Variants in LRRFIP2 observed in about 807,000 individuals in gnomAD.
LRRFIP2 encodes leucine-rich repeat flightless-interacting protein 2.
Under a neutral mutation model 125.9 loss-of-function variants are expected in LRRFIP2, and 109 were observed. That is an observed-to-expected ratio of 0.87 (90% confidence interval 0.74 to 1.01). LRRFIP2 has a LOEUF of 1.01. LRRFIP2 is among the 50% of genes least tolerant of loss of function. The pLI is 0.00. For synonymous variants in LRRFIP2, 291 were observed against 293.1 expected, an observed-to-expected ratio of 0.99 and a Z score of 0.07; for missense variants, 850 against 862.3, an observed-to-expected ratio of 0.99 and a Z score of 0.18.
At chr3:37,160,337 G>T (rs1362988441) in intron 1 of LRRFIP2, among the ~76,000 whole-genome samples, 1 of 152,116 alleles carries the variant, frequency 6.6e-6, no homozygotes, top group Non-Finnish European at 1.5e-5. Flanking sequence ...AAACCAAGAA[G>T]TCTGTGAAAA....
At chr3:37,160,456 A>C (rs1429296891) in intron 1 of LRRFIP2, among the ~76,000 whole-genome samples, 1 of 152,192 alleles carries the variant, frequency 6.6e-6, no homozygotes, top group Non-Finnish European at 1.5e-5. Context: ...AATTATAGCC[A>C]TGAAACAAGA....
intron 4 of LRRFIP2, among the ~76,000 whole-genome samples, chr3:37,126,138 C>T (rs1040915471): frequency 3.9e-5 from 6 of 152,152 alleles, no homozygotes; most frequent in Admixed American, 2.6e-4. Context: ...AAGCGATTCT[C>T]CTGCCTCAGC....
intron 1 of LRRFIP2, among the ~76,000 whole-genome samples, chr3:37,167,077 G>A (rs2096508232): frequency 6.6e-6 from 1 of 150,572 alleles, no homozygotes; most frequent in Non-Finnish European, 1.5e-5. Context: ...CATGCCTGTG[G>A]TCCCAGCTAC....
intron 1 of LRRFIP2, among the ~76,000 whole-genome samples, chr3:37,158,895 T>C (rs1053974766): frequency 6.6e-6 from 1 of 152,194 alleles, no homozygotes; most frequent in African/African-American, 2.4e-5. Context: ...ACTATTTATA[T>C]AGCACTGTCA....
intron 23 of LRRFIP2, chr3:37,064,668 C>T (rs1288842956): frequency 2.6e-5 from 4 of 151,936 alleles, no homozygotes; most frequent in African/African-American, 9.7e-5. Context: ...CACTCCTAGC[C>T]TGTGGAGGTT....
intron 1 of LRRFIP2, among the ~76,000 whole-genome samples, chr3:37,166,300 A>C (rs1022476351): frequency 6.6e-6 from 1 of 152,196 alleles, no homozygotes; most frequent in Non-Finnish European, 1.5e-5. Flanking sequence ...ACTGCACTCC[A>C]GCCTGGGCAG....
At chr3:37,152,751 T>TA (rs1430943429) in intron 1 of LRRFIP2, among the ~76,000 whole-genome samples, 5 of 152,052 alleles carry the variant, frequency 3.3e-5, no homozygotes, top group Admixed American at 1.3e-4. Context: ...ATGAAATTTT[T>TA]AAAAAAATGG....
rs767226905 is a variant in LRRFIP2, at chr3:37,066,362, C to T, written c.1465-37G>A. 14 of 1,507,226 alleles carry T rather than the reference C, an allele frequency of 9.3e-6. No individual in the cohort carries two copies. The Admixed American group carries it at 2.3e-4, about 25-fold the overall frequency. 93.4% of individuals were successfully genotyped at this position (1,507,226 alleles called of 1,614,324 possible). On this transcript the variant is annotated intron_variant, in intron 21 of 27. Transcript: ENST00000336686. ...TAAGGTAGCAAGGGAAACAATGGCA[C>T]AGAAAAAGAGCAGGTGAAAGGTAGC...
At position 37,148,989 on chromosome 3, in the gene LRRFIP2, G is replaced by C; in HGVS notation, c.-6C>G. On this transcript the variant is annotated 5_prime_UTR_variant, in exon 2 of 28. Coordinates refer to ENST00000336686, the MANE Select transcript of LRRFIP2 (RefSeq NM_006309.4). Reference sequence around the variant, plus strand: ...CCAGAAGCAGGAGTCCCCATCTTGTGTTCTTAATAGTCTTTTAACTTTGAA... The same window carrying C: ...CCAGAAGCAGGAGTCCCCATCTTGTCTTCTTAATAGTCTTTTAACTTTGAA... 1 of 1,613,570 alleles carries C rather than the reference G, an allele frequency of 6.2e-7. No individual in the cohort carries two copies. Among genetic ancestry groups the C allele is most frequent in the South Asian group, 1.1e-5 (1 of 91,004 alleles).
intron 1 of LRRFIP2, among the ~76,000 whole-genome samples, chr3:37,158,413 C>T (rs2096254352): frequency 6.6e-6 from 1 of 151,698 alleles, no homozygotes; most frequent in Non-Finnish European, 1.5e-5. Flanking sequence ...TTGAGACCAG[C>T]TTGGCCAACA....
chr3:37,165,381 C>T (rs1266326759), intron 1 of LRRFIP2, among the ~76,000 whole-genome samples: 2 of 146,894 alleles, frequency 1.4e-5, no homozygotes, highest in Non-Finnish European at 1.5e-5. Context: ...ACCCCACCCC[C>T]GTCCATGGAA....
At chr3:37,141,635 T>C (rs1411812468) in intron 2 of LRRFIP2, among the ~76,000 whole-genome samples, 2 of 152,210 alleles carry the variant, frequency 1.3e-5, no homozygotes, top group African/African-American at 4.8e-5. Flanking sequence ...CTTCCTCCAA[T>C]GTGTGTTAAT....
Position 37,094,814 on chromosome 3 carries a change from T to C in LRRFIP2, c.1013A>G (p.Asp338Gly), listed in dbSNP as rs753672978. The C allele has an allele frequency of 6.8e-6, 11 of 1,613,474 alleles. No individual in the cohort carries two copies. Among genetic ancestry groups the C allele is most frequent in the South Asian group, 4.4e-5 (4 of 91,068 alleles). The stretch of plus-strand genomic sequence containing the variant: ...TACCCGCAATTCACTTAATGAAGTG[T>C]CTGGATCTATTAAGCTGCTGGTGTC... ...SGDTSSLIDP[D>G]TSLSELRDIY... The change falls in exon 17 of 28, where the codon GAC (aspartate) becomes GGC (glycine). Residue 338 changes from aspartate to glycine, a missense_variant. By Grantham distance (94) the Asp-to-Gly change is moderately conservative. Coordinates refer to ENST00000336686, the MANE Select transcript of LRRFIP2 (RefSeq NM_006309.4).
chr3:37,063,405 G>T (rs2058476), intron 24 of LRRFIP2, among the ~76,000 whole-genome samples: 49,134 of 152,086 alleles, frequency 0.32, 9,846 homozygotes, highest in Non-Finnish European at 0.45. Flanking sequence ...ACATAAGTAT[G>T]TTATACAGAG....
In LRRFIP2 at chr3:37,121,709, A is replaced by G; in HGVS notation, c.229-18T>C. 1 of 1,612,778 alleles carries G rather than the reference A, an allele frequency of 6.2e-7. No homozygotes were observed. The highest frequency in any genetic ancestry group is 8.5e-7 in the Non-Finnish European group (1 of 1,178,838). On this transcript the variant is annotated intron_variant, in intron 4 of 27. Transcript: ENST00000336686. ...GAATCTTCCTGGGAAAGGAGAAAGT[A>G]CATGGAGAGTTAATCACTGAATAGA...
At chr3:37,066,068 T>C (rs1384310783) in intron 22 of LRRFIP2, 126 bp from the exon 23 acceptor site, 16 of 1,366,988 alleles carry the variant, frequency 1.2e-5, no homozygotes, top group South Asian at 3.7e-5. Context: ...ACATGAAATA[T>C]AGCTCTGTGT....
At chr3:37,135,045 T>C (rs1313321248) in intron 2 of LRRFIP2, 23 of 1,426,092 alleles carry the variant, frequency 1.6e-5, no homozygotes, top group African/African-American at 2.8e-5. Context: ...ATCCATAAAA[T>C]AGACAGACGT....
intron 22 of LRRFIP2, 113 bp downstream of exon 22, chr3:37,066,111 A>G: frequency 7.6e-7 from 1 of 1,309,470 alleles, no homozygotes; most frequent in Non-Finnish European, 1.1e-6. Flanking sequence ...AATCTGGATT[A>G]GAGAATAAAC....
chr3:37,063,872 A>G, intron 23 of LRRFIP2, 81 bp from the exon 24 acceptor site: 1 of 928,948 alleles, frequency 1.1e-6, no homozygotes, highest in Non-Finnish European at 1.8e-6. Context: ...AAACTCATAA[A>G]CAGCTAATAT....
Sources: gnomAD v4.1 joint callset for allele counts (sites outside exome capture counted in the v4.1 genomes callset) on GRCh38, gnomAD v4.1.1 for gene constraint, MANE v1.5 for transcripts, NCBI Gene and HGNC (gene_info 2026-07-23, HGNC 2026-07-21) for gene names.